Variants in SGCZ observed in about 807,000 individuals in gnomAD.
The protein encoded by SGCZ is zeta-sarcoglycan.
In SGCZ, 40 loss-of-function variants were observed where a neutral mutation model predicts 41.3. That is an observed-to-expected ratio of 0.97 (90% CI 0.75 to 1.26). The LOEUF (loss-of-function observed/expected upper bound fraction) is 1.26, where lower values mean the gene tolerates loss of function less well. SGCZ is among the 50% of genes most tolerant of loss of function. SGCZ has a pLI of 0.00. For missense variants in SGCZ, 552 were observed against 369.8 expected, an observed-to-expected ratio of 1.49 and a Z score of -4.04; for synonymous variants, 206 against 137.5, an observed-to-expected ratio of 1.50 and a Z score of -3.49.
chr8:14,196,832 G>A (rs1805280862), intron 4 of SGCZ, among the ~76,000 whole-genome samples: 1 of 152,076 alleles, frequency 6.6e-6, no homozygotes, highest in South Asian at 2.1e-4. Flanking sequence ...TGCCATGCTA[G>A]CAAGTAAAAT....
intron 4 of SGCZ, among the ~76,000 whole-genome samples, chr8:14,180,138 T>C (rs980767696): frequency 3.9e-5 from 6 of 152,188 alleles, no homozygotes; most frequent in Non-Finnish European, 5.9e-5. Context: ...CTACTGGCCA[T>C]GTATAGGGCA....
At chr8:14,721,014 A>G (rs1047750923) in intron 1 of SGCZ, among the ~76,000 whole-genome samples, 5 of 150,884 alleles carry the variant, frequency 3.3e-5, no homozygotes, top group African/African-American at 1.2e-4. Context: ...AGCATTTAAC[A>G]TAGCAGACCA....
chr8:14,256,989 A>G (rs1239548567), intron 3 of SGCZ, among the ~76,000 whole-genome samples: 1 of 152,156 alleles, frequency 6.6e-6, no homozygotes, highest in African/African-American at 2.4e-5. Context: ...AACCTCAATT[A>G]AAAATAATCC....
intron 1 of SGCZ, among the ~76,000 whole-genome samples, chr8:15,046,259 A>T (rs779926589): frequency 3.9e-5 from 6 of 152,100 alleles, no homozygotes; most frequent in Non-Finnish European, 7.4e-5. Context: ...AAGAACGAGT[A>T]AGTGCTAGAT....
At chr8:14,891,209 T>TGATG (rs1805003216) in intron 1 of SGCZ, among the ~76,000 whole-genome samples, 1 of 152,212 alleles carries the variant, frequency 6.6e-6, no homozygotes, top group Non-Finnish European at 1.5e-5. Flanking sequence ...TCACAGATAG[T>TGATG]AATTCCTCTG....
chr8:14,294,432 T>C (rs981678234), intron 3 of SGCZ, among the ~76,000 whole-genome samples: 5 of 151,860 alleles, frequency 3.3e-5, no homozygotes, highest in Non-Finnish European at 5.9e-5. Flanking sequence ...CAAGGAAAGA[T>C]GGAAACTTAC....
At chr8:14,512,222 AC>A (rs1298239038) in intron 2 of SGCZ, among the ~76,000 whole-genome samples, 5 of 152,260 alleles carry the variant, frequency 3.3e-5, no homozygotes, top group African/African-American at 1.2e-4. Context: ...TAAAAGGAAG[AC>A]GCTGAAGTGC....
At chr8:15,086,910 T>C (rs1446417455) in intron 1 of SGCZ, among the ~76,000 whole-genome samples, 4 of 152,114 alleles carry the variant, frequency 2.6e-5, no homozygotes, top group Non-Finnish European at 4.4e-5. Flanking sequence ...ATTTCACATA[T>C]AAAGAAGGCA....
chr8:14,128,682 T>A lies in SGCZ; in HGVS notation c.548-20447A>T, dbSNP rs184977997. Among the ~76,000 whole-genome samples the A allele has an allele frequency of 2.2e-4, 33 of 152,060 alleles. No homozygotes were observed. In the East Asian group the frequency reaches 6.2e-3, roughly 29 times the overall value. On this transcript the variant is annotated intron_variant, in intron 5 of 7. Transcript: ENST00000382080. Reference sequence around the variant, plus strand: ...ATCAGTGAATGTCTGAATTTAAAAATGTGATAAAAATGTGATGTGTGTGTA... The same window carrying A: ...ATCAGTGAATGTCTGAATTTAAAAAAGTGATAAAAATGTGATGTGTGTGTA...
intron 1 of SGCZ, among the ~76,000 whole-genome samples, chr8:15,142,767 G>T (rs549007638): frequency 4.2e-5 from 6 of 141,500 alleles, no homozygotes; most frequent in African/African-American, 1.3e-4. Flanking sequence ...ACACATCACC[G>T]CACCCAGCTA....
chr8:14,938,062 A>G (rs1434910990), intron 1 of SGCZ, among the ~76,000 whole-genome samples: 1 of 152,174 alleles, frequency 6.6e-6, no homozygotes, highest in African/African-American at 2.4e-5. Context: ...AGAAAATCAT[A>G]TATACACTAA....
intron 1 of SGCZ, among the ~76,000 whole-genome samples, chr8:14,702,813 GTAGATAGA>G (rs71209077): frequency 0.14 from 16,288 of 114,386 alleles, 1,283 homozygotes; most frequent in East Asian, 0.21. Flanking sequence ...AGGTAGTTAG[GTAGATAGA>G]TAGATAGATA....
chr8:15,231,586 A>G (rs1212556718), intron 1 of SGCZ, among the ~76,000 whole-genome samples: 3 of 151,558 alleles, frequency 2.0e-5, no homozygotes, highest in Admixed American at 6.6e-5. Flanking sequence ...TGAGTAAAAT[A>G]AAAACTTTGG....
At chr8:15,060,557 A>T (rs1804887035) in intron 1 of SGCZ, among the ~76,000 whole-genome samples, 1 of 151,018 alleles carries the variant, frequency 6.6e-6, no homozygotes, top group Admixed American at 6.6e-5. Flanking sequence ...ATTAGGAGAT[A>T]TACCTAATTA....
In SGCZ at chr8:14,814,475, G is replaced by A. The variant is rs1425027165; in HGVS notation, c.40-259549C>T. Among the ~76,000 whole-genome samples the A allele has an allele frequency of 3.3e-5, 5 of 152,136 alleles. No individual in the cohort carries two copies. In the East Asian group the frequency reaches 5.8e-4, roughly 18 times the overall value. ...TAAAGTAAGGGAAACAAAAGGCACC[G>A]GAGGCTCCTAAGAGGGCCCCCAGAA... On this transcript the variant is annotated intron_variant, in intron 1 of 7. Transcript: ENST00000382080.
chr8:14,554,786 C>A lies in SGCZ; in HGVS notation c.180G>T (p.Met60Ile). The A allele has an allele frequency of 6.2e-7, 1 of 1,613,146 alleles. No homozygotes were observed. ...ATATTGTCATGGCTAAGTTAACTAT[C>A]ATGGTAACCAACAGCAGAAGGACAA... ...YFFVLLLLVT[M>I]IVNLAMTIWI... The change falls in exon 2 of 8, where the codon ATG (methionine) becomes ATT (isoleucine). Residue 60 changes from methionine (M) to isoleucine (I), a missense_variant. Transcript: ENST00000382080.
chr8:14,392,241 A>C (rs1384547927), intron 2 of SGCZ, among the ~76,000 whole-genome samples: 1 of 152,180 alleles, frequency 6.6e-6, no homozygotes, highest in African/African-American at 2.4e-5. Flanking sequence ...CTCATATTAG[A>C]ACCAATTTTC....
intron 2 of SGCZ, among the ~76,000 whole-genome samples, chr8:14,363,699 T>G (rs1803606209): frequency 6.6e-6 from 1 of 152,198 alleles, no homozygotes; most frequent in African/African-American, 2.4e-5. Context: ...CAGTGGTTTG[T>G]GGCAGCTGCT....
At chr8:14,793,552 C>T (rs1203069497) in intron 1 of SGCZ, among the ~76,000 whole-genome samples, 2 of 152,208 alleles carry the variant, frequency 1.3e-5, no homozygotes, top group Non-Finnish European at 1.5e-5. Flanking sequence ...CTTGACAAAG[C>T]TGCTTCCTTA....
Sources: allele counts gnomAD v4.1 joint callset (sites outside exome capture counted in the v4.1 genomes callset), GRCh38; gene constraint gnomAD v4.1.1; transcripts MANE v1.5; gene names NCBI Gene and HGNC (gene_info 2026-07-23, HGNC 2026-07-21).